The following HS6ST3 variants were observed in gnomAD, a reference collection of about 807,000 sequenced individuals.
HS6ST3 encodes heparan sulfate 6-O-sulfotransferase 3, also known as heparan-sulfate 6-O-sulfotransferase 3.
Under a neutral mutation model 36.7 loss-of-function variants are expected in HS6ST3, and 12 were observed. That is an observed-to-expected ratio of 0.33 (90% confidence interval 0.21 to 0.53). The LOEUF (loss-of-function observed/expected upper bound fraction) is 0.53. Ranked by LOEUF, HS6ST3 falls within the 20% of genes least tolerant of loss-of-function variation. The pLI is 0.95. For missense variants in HS6ST3, 584 were observed against 640.9 expected (o/e 0.91, Z 0.96); for synonymous variants, 240 against 257.5 (o/e 0.93, Z 0.65).
chr13:96,252,772 A>C (rs1009159738), intron 1 of HS6ST3, among the ~76,000 whole-genome samples: 2 of 151,922 alleles, frequency 1.3e-5, no homozygotes, highest in African/African-American at 4.8e-5. Flanking sequence ...CTGCCCTCAC[A>C]ATACTGAGTT....
rs921191256 is a variant in HS6ST3, at chr13:96,326,423, C to T, written c.707+234854C>T. Among the ~76,000 whole-genome samples, 83 of 147,772 alleles carry T rather than the reference C, an allele frequency of 5.6e-4. No individual in the cohort carries two copies. The Middle Eastern group carries it at 0.011, about 19-fold the overall frequency. Reference sequence around the variant, plus strand: ...GTTCCCACCTGTGAGTGAGAACATGCGGTGTTTGGTTTTTTGTCCTTGCGA... The same window carrying T: ...GTTCCCACCTGTGAGTGAGAACATGTGGTGTTTGGTTTTTTGTCCTTGCGA... On this transcript the variant is annotated intron_variant, in intron 1 of 1. Coordinates refer to ENST00000376705, the MANE Select transcript of HS6ST3 (RefSeq NM_153456.4).
chr13:96,310,021 T>C (rs557483146), intron 1 of HS6ST3, among the ~76,000 whole-genome samples: 1 of 152,156 alleles, frequency 6.6e-6, no homozygotes. Context: ...GTCCTTGAAT[T>C]GTCTACAATG....
chr13:96,139,411 G>C (rs978285360), intron 1 of HS6ST3, among the ~76,000 whole-genome samples: 1 of 151,858 alleles, frequency 6.6e-6, no homozygotes, highest in Non-Finnish European at 1.5e-5. Flanking sequence ...CTACATCCCT[G>C]TTATAATGAA....
chr13:96,668,260 T>C (rs2056670852), intron 1 of HS6ST3, among the ~76,000 whole-genome samples: 1 of 152,094 alleles, frequency 6.6e-6, no homozygotes. Context: ...GTGGAGCTAC[T>C]GTCTTACAGG....
At chr13:96,384,832 A>G (rs561906683) in intron 1 of HS6ST3, among the ~76,000 whole-genome samples, 13 of 152,268 alleles carry the variant, frequency 8.5e-5, no homozygotes, top group African/African-American at 3.1e-4. Flanking sequence ...GTATACTCCA[A>G]AGATAAAGTG....
chr13:96,498,342 G>C (rs927115450), intron 1 of HS6ST3, among the ~76,000 whole-genome samples: 12 of 152,314 alleles, frequency 7.9e-5, no homozygotes, highest in Non-Finnish European at 1.5e-4. Flanking sequence ...AGGTGGAGCA[G>C]GGGGAGGTCA....
chr13:96,719,129 C>G (rs780286325), intron 1 of HS6ST3, among the ~76,000 whole-genome samples: 16 of 151,996 alleles, frequency 1.1e-4, no homozygotes, highest in African/African-American at 3.1e-4. Flanking sequence ...AAAAAATTAG[C>G]AGGGTATGGT....
At chr13:96,219,440 C>T (rs904332077) in intron 1 of HS6ST3, among the ~76,000 whole-genome samples, 10 of 152,102 alleles carry the variant, frequency 6.6e-5, no homozygotes, top group African/African-American at 2.4e-4. Context: ...CTTCTGTTTG[C>T]CCATTTTCCC....
Position 96,090,465 on chromosome 13 carries a change from C to T in HS6ST3, c.-398C>T, listed in dbSNP as rs2053754926. Among the ~76,000 whole-genome samples the T allele has an allele frequency of 1.4e-5, 2 of 146,420 alleles. No homozygotes were observed. The highest frequency in any genetic ancestry group is 4.2e-4 in the South Asian group (2 of 4,818). On this transcript the variant is annotated 5_prime_UTR_variant, in exon 1 of 2. Transcript: ENST00000376705. ...TCGCGGCCGCAGCTACCCGGCTGCC[C>T]GGCTGCGCGCGGCAGGTCCAGGACC... is the stretch of plus-strand genomic sequence containing the variant.
intron 1 of HS6ST3, among the ~76,000 whole-genome samples, chr13:96,219,779 G>A (rs942338390): frequency 6.6e-6 from 1 of 152,118 alleles, no homozygotes; most frequent in Non-Finnish European, 1.5e-5. Context: ...CGCTTCCGGG[G>A]TTCAAGCGAG....
chr13:96,622,785 T>C (rs1207439171), intron 1 of HS6ST3, among the ~76,000 whole-genome samples: 4 of 152,228 alleles, frequency 2.6e-5, no homozygotes, highest in Non-Finnish European at 4.4e-5. Flanking sequence ...TCCTACTTAA[T>C]AATTTTCTTA....
At chr13:96,112,604 T>A (rs1382184608) in intron 1 of HS6ST3, among the ~76,000 whole-genome samples, 4 of 119,970 alleles carry the variant, frequency 3.3e-5, no homozygotes, top group Non-Finnish European at 5.4e-5. Context: ...TATATATATA[T>A]ATATATATAT....
rs145381309 is a variant in HS6ST3 at position 96,776,104 on chromosome 13, G to A, written c.708-56386G>A. Among the ~76,000 whole-genome samples the A allele has an allele frequency of 2.6e-3, 392 of 152,196 alleles. 3 individuals carry two copies. Among genetic ancestry groups the A allele is most frequent in the African/African-American group, 8.5e-3 (351 of 41,526 alleles). ...CCTGAATGACTATGGGGTAAATAAC[G>A]AAATGAAGGCAGAAATAAATAAGTT... On this transcript the variant is annotated intron_variant, in intron 1 of 1. Coordinates refer to ENST00000376705, the MANE Select transcript of HS6ST3 (RefSeq NM_153456.4).
chr13:96,164,403 A>C (rs112359456), intron 1 of HS6ST3, among the ~76,000 whole-genome samples: 1,796 of 152,102 alleles, frequency 0.012, 32 homozygotes, highest in African/African-American at 0.041. Flanking sequence ...AATTAAAAAC[A>C]TGAAAATTAG....
chr13:96,815,967 A>C (rs747249216), intron 1 of HS6ST3, among the ~76,000 whole-genome samples: 2 of 152,164 alleles, frequency 1.3e-5, no homozygotes, highest in Non-Finnish European at 2.9e-5. Flanking sequence ...AGCTGCCCTT[A>C]GAAGGGGCAG....
intron 1 of HS6ST3, among the ~76,000 whole-genome samples, chr13:96,349,080 T>C (rs1241635536): frequency 2.0e-5 from 3 of 152,228 alleles, no homozygotes; most frequent in African/African-American, 4.8e-5. Context: ...TAAAGAGGAA[T>C]TTGTAAACCT....
rs1479370778 is a variant in HS6ST3, at chr13:96,298,136, A to G, written c.707+206567A>G. On this transcript the variant is annotated intron_variant, in intron 1 of 1. Transcript: ENST00000376705. ...TTAGATATGTTGTATTTAGATAATTACTGAAATGGTCCAGCTTGCTAGATT... is the reference window on the plus strand; with the variant it reads ...TTAGATATGTTGTATTTAGATAATTGCTGAAATGGTCCAGCTTGCTAGATT... Among the ~76,000 whole-genome samples the G allele has an allele frequency of 2.0e-5, 3 of 152,220 alleles. No homozygotes were observed. The East Asian group carries it at 5.8e-4, about 29-fold the overall frequency.
chr13:96,798,944 A>T (rs925285323), intron 1 of HS6ST3, among the ~76,000 whole-genome samples: 1 of 152,028 alleles, frequency 6.6e-6, no homozygotes, highest in African/African-American at 2.4e-5. Context: ...TTTTCTGTAC[A>T]TATGTACCCC....
chr13:96,535,747 G>A (rs1164432220), intron 1 of HS6ST3, among the ~76,000 whole-genome samples: 1 of 152,012 alleles, frequency 6.6e-6, no homozygotes, highest in Non-Finnish European at 1.5e-5. Flanking sequence ...ATGAGTAAGG[G>A]ACAAACATAA....
Sources: allele counts gnomAD v4.1 joint callset (sites outside exome capture counted in the v4.1 genomes callset), GRCh38; gene constraint gnomAD v4.1.1; transcripts MANE v1.5; gene names NCBI Gene and HGNC (gene_info 2026-07-23, HGNC 2026-07-21).